GRM8: variants seen among roughly 807,000 people sequenced by gnomAD.
GRM8 encodes glutamate metabotropic receptor 8, also known as metabotropic glutamate receptor 8.
Under a neutral mutation model 87.2 loss-of-function variants are expected in GRM8, and 47 were observed. That is an observed-to-expected ratio of 0.54 (90% CI 0.43 to 0.69). GRM8 has a LOEUF of 0.69. Ranked by LOEUF, GRM8 falls within the 30% of genes least tolerant of loss-of-function variation. The pLI is 0.00. For missense variants in GRM8, 1,019 were observed against 1,139.2 expected, an observed-to-expected ratio of 0.89 and a Z score of 1.52; for synonymous variants, 396 against 404.5, an observed-to-expected ratio of 0.98 and a Z score of 0.25.
chr7:126,479,179 TA>T (rs1016350931), intron 9 of GRM8, among the ~76,000 whole-genome samples: 4 of 152,130 alleles, frequency 2.6e-5, no homozygotes, highest in Non-Finnish European at 5.9e-5. Context: ...CTTGTGTTGG[TA>T]AACTGAATTA....
At chr7:127,198,716 T>C (rs1411037748) in intron 2 of GRM8, among the ~76,000 whole-genome samples, 1 of 151,840 alleles carries the variant, frequency 6.6e-6, no homozygotes, top group African/African-American at 2.4e-5. Context: ...TCACCCAGGA[T>C]AGAGTCTGGA....
intron 2 of GRM8, among the ~76,000 whole-genome samples, chr7:127,179,810 A>C (rs1012616876): frequency 6.6e-6 from 1 of 152,076 alleles, no homozygotes; most frequent in African/African-American, 2.4e-5. Context: ...AATGACAATA[A>C]TGATACAACC....
chr7:126,489,360 G>C (rs964576795), intron 9 of GRM8, among the ~76,000 whole-genome samples: 2 of 151,944 alleles, frequency 1.3e-5, no homozygotes, highest in African/African-American at 4.8e-5. Context: ...ACAATTAAAA[G>C]AACTAAAGAC....
At chr7:126,992,353 T>C (rs967322073) in intron 3 of GRM8, among the ~76,000 whole-genome samples, 2 of 152,142 alleles carry the variant, frequency 1.3e-5, no homozygotes, top group African/African-American at 2.4e-5. Context: ...GTATTGTGCA[T>C]GTAGAAAATC....
intron 7 of GRM8, among the ~76,000 whole-genome samples, chr7:126,678,801 G>T (rs1217801828): frequency 2.0e-5 from 3 of 152,174 alleles, no homozygotes; most frequent in Non-Finnish European, 4.4e-5. Context: ...TTGACTAACA[G>T]TGAGGAGTGG....
At chr7:126,588,523 T>A (rs1453294137) in intron 8 of GRM8, among the ~76,000 whole-genome samples, 1 of 152,076 alleles carries the variant, frequency 6.6e-6, no homozygotes, top group Non-Finnish European at 1.5e-5. Flanking sequence ...CACAGAGCTA[T>A]TCACAAAAGC....
At chr7:126,528,036 T>C (rs1413253374) in intron 9 of GRM8, among the ~76,000 whole-genome samples, 1 of 152,186 alleles carries the variant, frequency 6.6e-6, no homozygotes, top group Non-Finnish European at 1.5e-5. Flanking sequence ...AAACCCCGTC[T>C]CTATTAAAAA....
intron 2 of GRM8, among the ~76,000 whole-genome samples, chr7:127,225,000 A>G (rs927331188): frequency 1.3e-5 from 2 of 152,236 alleles, no homozygotes; most frequent in African/African-American, 4.8e-5. Flanking sequence ...TACATGTTTA[A>G]AAAGCCATGT....
chr7:126,948,541 A>G (rs778853297), intron 3 of GRM8, among the ~76,000 whole-genome samples: 2 of 151,608 alleles, frequency 1.3e-5, no homozygotes, highest in Non-Finnish European at 2.9e-5. Flanking sequence ...TGAAGGAGCC[A>G]CTAAAAGACA....
At chr7:126,995,347 A>C (rs1455637630) in intron 3 of GRM8, among the ~76,000 whole-genome samples, 3 of 152,234 alleles carry the variant, frequency 2.0e-5, no homozygotes, top group African/African-American at 7.2e-5. Flanking sequence ...ACATGACCTC[A>C]CCATACAAAC....
chr7:127,211,689 A>G (rs935140605), intron 2 of GRM8, among the ~76,000 whole-genome samples: 1 of 152,206 alleles, frequency 6.6e-6, no homozygotes, highest in Non-Finnish European at 1.5e-5. Context: ...TGAGGGAACA[A>G]GTTTACCCCC....
intron 6 of GRM8, among the ~76,000 whole-genome samples, chr7:126,791,447 CT>C (rs998861663): frequency 2.6e-5 from 4 of 152,210 alleles, no homozygotes; most frequent in African/African-American, 4.8e-5. Flanking sequence ...ACTGGATTTT[CT>C]GTAAAGTCCT....
At chr7:127,153,108 T>C (rs1268916832) in intron 2 of GRM8, among the ~76,000 whole-genome samples, 1 of 152,126 alleles carries the variant, frequency 6.6e-6, no homozygotes, top group Non-Finnish European at 1.5e-5. Flanking sequence ...CAACCTGCTG[T>C]GAAATACTGT....
At chr7:126,619,672 T>C (rs1177544207) in intron 7 of GRM8, among the ~76,000 whole-genome samples, 1 of 152,124 alleles carries the variant, frequency 6.6e-6, no homozygotes, top group East Asian at 1.9e-4. Flanking sequence ...ATTTCATAAA[T>C]TTTGATGTGT....
At chr7:126,574,500 T>A (rs570962225) in intron 8 of GRM8, among the ~76,000 whole-genome samples, 8 of 152,330 alleles carry the variant, frequency 5.3e-5, no homozygotes, top group Admixed American at 2.0e-4. Context: ...CAATGCTGGA[T>A]GTGTCATCTC....
At chr7:127,052,526 T>C (rs989980815) in intron 3 of GRM8, among the ~76,000 whole-genome samples, 1 of 152,226 alleles carries the variant, frequency 6.6e-6, no homozygotes, top group Non-Finnish European at 1.5e-5. Context: ...AAAAGTTTGG[T>C]ACATAGACAA....
At chr7:127,019,031 G>A (rs1474606742) in intron 3 of GRM8, among the ~76,000 whole-genome samples, 2 of 151,944 alleles carry the variant, frequency 1.3e-5, no homozygotes, top group Non-Finnish European at 2.9e-5. Flanking sequence ...GGTTGTAGTG[G>A]GATGGGAGGA....
At chr7:126,872,854 A>G (rs1048822647) in intron 6 of GRM8, among the ~76,000 whole-genome samples, 1 of 152,204 alleles carries the variant, frequency 6.6e-6, no homozygotes, top group Non-Finnish European at 1.5e-5. Context: ...AATTTTTAAA[A>G]TGAAAATCTA....
intron 2 of GRM8, among the ~76,000 whole-genome samples, chr7:127,171,800 G>A (rs992147546): frequency 2.0e-5 from 3 of 152,036 alleles, no homozygotes; most frequent in Admixed American, 6.6e-5. Flanking sequence ...CATCCCCAAG[G>A]TATGCCTGTA....
Sources: allele counts gnomAD v4.1 joint callset (sites outside exome capture counted in the v4.1 genomes callset), GRCh38; gene constraint gnomAD v4.1.1; transcripts MANE v1.5; gene names NCBI Gene and HGNC (gene_info 2026-07-23, HGNC 2026-07-21).